GPC4: variants seen among roughly 807,000 people sequenced by gnomAD.
GPC4 encodes glypican 4.
A neutral mutation model predicts 35.0 loss-of-function variants in GPC4; 10 were observed. The observed-to-expected ratio is 0.29, with a 90% CI of 0.18 to 0.48. GPC4 has a LOEUF of 0.48. Among genes scored for constraint, GPC4 ranks in the 20% least tolerant of loss-of-function variants. The pLI is 0.99. For missense variants in GPC4, 322 were observed against 451.3 expected, an observed-to-expected ratio of 0.71 and a Z score of 2.60; for synonymous variants, 167 against 170.2, an observed-to-expected ratio of 0.98 and a Z score of 0.15.
At chrX:133,381,278 T>A (rs2068659601) in intron 1 of GPC4, among the ~76,000 whole-genome samples, 1 of 112,409 alleles carries the variant, frequency 8.9e-6, no homozygotes. Flanking sequence ...CACATTTATT[T>A]TGAAAATGTG....
intron 1 of GPC4, among the ~76,000 whole-genome samples, chrX:133,386,457 G>A (rs2068690904): frequency 9.0e-6 from 1 of 111,543 alleles, no homozygotes; most frequent in Admixed American, 9.6e-5. Context: ...AAAGGGACAT[G>A]ATTTTATTCT....
intron 3 of GPC4, among the ~76,000 whole-genome samples, chrX:133,319,580 C>T (rs1290512798): frequency 9.2e-6 from 1 of 108,506 alleles, no homozygotes; most frequent in African/African-American, 3.4e-5. Context: ...TTTTCAGGCC[C>T]GAAGCAATTA....
intron 1 of GPC4, among the ~76,000 whole-genome samples, chrX:133,407,847 C>T (rs2068796291): frequency 8.9e-6 from 1 of 112,328 alleles, no homozygotes; most frequent in African/African-American, 3.2e-5. Context: ...TTTTTCTTCC[C>T]CCGAGCAGTT....
rs1193441073 is a variant in GPC4 at position 133,306,174 on chromosome X, AG to A, written c.878-21del. On this transcript the variant is annotated intron_variant, in intron 4 of 8. Transcript: ENST00000370828. ...TAGCATCTAATATGAGGTTTGGGGA[AG>A]AACAATACAGCATAAAAAGTCAATC... 1.7e-6 allele frequency: 2 copies of A among 1,207,570 alleles called. No homozygotes were observed. Among genetic ancestry groups the A allele is most frequent in the Non-Finnish European group, 2.2e-6 (2 of 892,714 alleles).
intron 1 of GPC4, among the ~76,000 whole-genome samples, chrX:133,412,401 G>A (rs995622077): frequency 2.7e-5 from 3 of 111,627 alleles, no homozygotes; most frequent in Non-Finnish European, 5.6e-5. Context: ...CCACATTTTT[G>A]AGCCATTCAG....
At chrX:133,377,685 C>T (rs1285292300) in intron 1 of GPC4, among the ~76,000 whole-genome samples, 1 of 110,611 alleles carries the variant, frequency 9.0e-6, no homozygotes, top group African/African-American at 3.3e-5. Flanking sequence ...GAGGTAGGTA[C>T]AGAACTATTA....
At chrX:133,317,150 T>C (rs2124114149) in intron 3 of GPC4, among the ~76,000 whole-genome samples, 1 of 110,988 alleles carries the variant, frequency 9.0e-6, no homozygotes, top group South Asian at 3.9e-4. Context: ...GCCTATAAAA[T>C]CCTTCAAGAC....
intron 1 of GPC4, among the ~76,000 whole-genome samples, chrX:133,381,002 A>G (rs1274150105): frequency 8.9e-6 from 1 of 111,842 alleles, no homozygotes; most frequent in Admixed American, 9.5e-5. Context: ...AGTAAGCAAT[A>G]GCTCTTACCA....
chrX:133,311,844 T>C (rs946862869), intron 3 of GPC4, among the ~76,000 whole-genome samples: 2 of 111,877 alleles, frequency 1.8e-5, no homozygotes, highest in Non-Finnish European at 3.8e-5. Flanking sequence ...CAACCATCAG[T>C]GTTTGTCTTT....
intron 1 of GPC4, among the ~76,000 whole-genome samples, chrX:133,344,191 G>GTTTTTTTTTTTTTTTTTTTTTTTTT (rs747976050): frequency 5.1e-5 from 2 of 38,897 alleles, no homozygotes; most frequent in Non-Finnish European, 1.0e-4. Context: ...TTTCTTTCTG[G>GTTTTTTTTTTTTTTTTTTTTTTTTT]TTTTTTTTTT....
rs145248283 is a variant in GPC4 at position 133,387,372 on chromosome X, G to A, written c.160+27434C>T. On this transcript the variant is annotated intron_variant, in intron 1 of 8. Transcript: ENST00000370828. ...AATTCCTTCTTATTTATAGTTGTCT[G>A]CCAGAATGTAAACAGTAGAGAATTG... 2.4e-4 allele frequency among the ~76,000 whole-genome samples: 26 copies of A among 110,549 alleles called. No individual in the cohort carries two copies. The East Asian group carries it at 4.5e-3, about 19-fold the overall frequency.
chrX:133,313,133 C>T (rs1197668313), intron 3 of GPC4, among the ~76,000 whole-genome samples: 1 of 111,570 alleles, frequency 9.0e-6, no homozygotes, highest in Non-Finnish European at 1.9e-5. Context: ...CAGGGCAGCC[C>T]GGCAATGCAC....
chrX:133,352,669 A>G (rs763755947), intron 1 of GPC4, among the ~76,000 whole-genome samples: 11 of 111,786 alleles, frequency 9.8e-5, no homozygotes, highest in African/African-American at 3.6e-4. Context: ...TAGAGGTCTC[A>G]CCAGAGGAGA....
chrX:133,354,556 A>ATTTTC (rs1569348986), intron 1 of GPC4, among the ~76,000 whole-genome samples: 1 of 91,328 alleles, frequency 1.1e-5, no homozygotes, highest in African/African-American at 5.2e-5. Flanking sequence ...TTATTTATTT[A>ATTTTC]TTTATTTATT....
intron 2 of GPC4, among the ~76,000 whole-genome samples, chrX:133,335,311 G>C (rs1454946902): frequency 9.0e-6 from 1 of 111,320 alleles, no homozygotes; most frequent in African/African-American, 3.3e-5. Context: ...AAGTTAAAAA[G>C]TGGGTTTAAA....
chrX:133,402,499 C>T (rs1321199156), intron 1 of GPC4, among the ~76,000 whole-genome samples: 1 of 111,799 alleles, frequency 8.9e-6, no homozygotes, highest in South Asian at 3.7e-4. Context: ...AGAATGGTTG[C>T]GATGATGCAG....
chrX:133,328,741 C>G (rs2068405138), intron 2 of GPC4, among the ~76,000 whole-genome samples: 1 of 111,309 alleles, frequency 9.0e-6, no homozygotes, highest in Admixed American at 9.7e-5. Flanking sequence ...AAACTAATTA[C>G]AATACACTTG....
At chrX:133,379,432 G>A (rs1026772482) in intron 1 of GPC4, among the ~76,000 whole-genome samples, 14 of 112,019 alleles carry the variant, frequency 1.2e-4, no homozygotes, top group African/African-American at 3.9e-4. Context: ...ATGAGAAGTG[G>A]TGTCTTAATG....
intron 1 of GPC4, among the ~76,000 whole-genome samples, chrX:133,411,337 A>ATG (rs2019779614): frequency 8.9e-6 from 1 of 112,506 alleles, no homozygotes; most frequent in East Asian, 2.8e-4. Context: ...CCTCACTCTT[A>ATG]AAAACAATTT....
Sources: allele counts gnomAD v4.1 joint callset (sites outside exome capture counted in the v4.1 genomes callset), GRCh38; gene constraint gnomAD v4.1.1; transcripts MANE v1.5; gene names NCBI Gene and HGNC (gene_info 2026-07-23, HGNC 2026-07-21).